RCAN1: variants seen among roughly 807,000 people sequenced by gnomAD.
RCAN1 encodes the protein regulator of calcineurin 1, also known as calcipressin-1.
Under a neutral mutation model 22.9 loss-of-function variants are expected in RCAN1, and 11 were observed. That is an observed-to-expected ratio of 0.48 (90% CI 0.30 to 0.79). RCAN1 has a LOEUF of 0.79. Ranked by LOEUF, RCAN1 falls within the 30% of genes least tolerant of loss-of-function variation. The probability of loss-of-function intolerance (pLI) is 0.06; values close to 1 mark genes in which losing one functional copy is unlikely to be tolerated. For missense variants in RCAN1, 291 were observed against 337.8 expected (o/e 0.86, Z 1.09); for synonymous variants, 136 against 142.3 (o/e 0.96, Z 0.32).
At chr21:34,545,113 A>C (rs1986082879) in intron 1 of RCAN1, among the ~76,000 whole-genome samples, 1 of 152,170 alleles carries the variant, frequency 6.6e-6, no homozygotes, top group South Asian at 2.1e-4. Context: ...TCTTAGTGGG[A>C]TATGTTCCCC....
At chr21:34,549,808 C>T (rs1238260308) in intron 1 of RCAN1, among the ~76,000 whole-genome samples, 1 of 152,114 alleles carries the variant, frequency 6.6e-6, no homozygotes, top group Non-Finnish European at 1.5e-5. Flanking sequence ...CATCCATCAT[C>T]CATCCATCCA....
At chr21:34,579,533 G>T (rs1987531814) in intron 1 of RCAN1, among the ~76,000 whole-genome samples, 5 of 152,258 alleles carry the variant, frequency 3.3e-5, no homozygotes, top group Admixed American at 6.5e-5. Context: ...GGACCCACTG[G>T]ACTAAATGAT....
At chr21:34,568,191 G>A in intron 1 of RCAN1, among the ~76,000 whole-genome samples, 1 of 152,154 alleles carries the variant, frequency 6.6e-6, no homozygotes, top group East Asian at 1.9e-4. Context: ...GCAGCTGCCT[G>A]GGGCCACTTC....
intron 1 of RCAN1, among the ~76,000 whole-genome samples, chr21:34,590,041 A>T (rs914819517): frequency 6.6e-5 from 10 of 152,164 alleles, no homozygotes; most frequent in Non-Finnish European, 1.5e-4. Flanking sequence ...CCCTTTGATC[A>T]TTACCTTCTG....
chr21:34,550,671 T>A (rs1986331570), intron 1 of RCAN1, among the ~76,000 whole-genome samples: 1 of 152,286 alleles, frequency 6.6e-6, no homozygotes, highest in South Asian at 2.1e-4. Flanking sequence ...GTCTGTAGTA[T>A]TCATCATGGC....
intron 1 of RCAN1, among the ~76,000 whole-genome samples, chr21:34,580,407 A>G (rs1343348722): frequency 2.0e-5 from 3 of 152,214 alleles, no homozygotes; most frequent in Non-Finnish European, 4.4e-5. Context: ...ACGGGTGGCC[A>G]TGGAAAGTAT....
Position 34,517,856 on chromosome 21 carries a change from C to T in RCAN1, c.*228G>A. 1.7e-6 allele frequency: 1 copy of T among 582,332 alleles called. No homozygotes were observed. Among genetic ancestry groups the T allele is most frequent in the East Asian group, 2.9e-5 (1 of 34,852 alleles). The allele number at this position is 582,332 out of a possible 1,614,324, so 36.1% of individuals were successfully genotyped here. A position where few individuals can be genotyped will look rare whatever the true frequency, so the allele number is the denominator to read the frequency against. ...CCCAAATGTCCTTGTGCGATCACCA[C>T]AAACTCAGTGATTGGCCCAAGTCAT... On this transcript the variant is annotated 3_prime_UTR_variant, in exon 4 of 4. Coordinates refer to ENST00000313806, the MANE Select transcript of RCAN1 (RefSeq NM_004414.7).
intron 1 of RCAN1, among the ~76,000 whole-genome samples, chr21:34,529,584 C>T (rs1368953151): frequency 1.3e-5 from 2 of 152,212 alleles, no homozygotes; most frequent in African/African-American, 4.8e-5. Flanking sequence ...AATAGTGATT[C>T]TCCCCACTGA....
chr21:34,558,612 T>C (rs1179502438), intron 1 of RCAN1, among the ~76,000 whole-genome samples: 1 of 145,836 alleles, frequency 6.9e-6, no homozygotes, highest in Non-Finnish European at 1.5e-5. Flanking sequence ...CTACAGAAAA[T>C]CTGGCCATCT....
intron 1 of RCAN1, among the ~76,000 whole-genome samples, chr21:34,542,106 C>T (rs996781359): frequency 1.3e-5 from 2 of 151,892 alleles, no homozygotes; most frequent in East Asian, 1.9e-4. Context: ...GGGGAGGATG[C>T]CATGTGTGGT....
intron 1 of RCAN1, among the ~76,000 whole-genome samples, chr21:34,557,055 A>G (rs1185142685): frequency 1.3e-5 from 2 of 152,116 alleles, no homozygotes; most frequent in African/African-American, 4.8e-5. Context: ...TCTACTAAAA[A>G]TACAAAAATT....
intron 1 of RCAN1, among the ~76,000 whole-genome samples, chr21:34,550,257 C>CA (rs752760593): frequency 1.3e-5 from 2 of 152,212 alleles, no homozygotes; most frequent in South Asian, 2.1e-4. Context: ...ATGGAAGAAC[C>CA]ATGAAGTAAT....
In RCAN1 at chr21:34,530,624, T is replaced by TGTTTGTTTGTTTTG. The variant is rs1190124200; in HGVS notation, c.253-6915_253-6914insCAAAACAAACAAAC. ...TCTAAGATAGTGAAATAGTTTTTTT[T>TGTTTGTTTGTTTTG]TTTTTTTTTTTTTTTTTTTGAGACA... On this transcript the variant is annotated intron_variant, in intron 1 of 3. Transcript: ENST00000313806. Among the ~76,000 whole-genome samples the TGTTTGTTTGTTTTG allele has an allele frequency of 5.3e-4, 55 of 102,834 alleles. 1 individual carries two copies. Among genetic ancestry groups the TGTTTGTTTGTTTTG allele is most frequent in the African/African-American group, 2.0e-3 (41 of 20,984 alleles). The allele number at this position is 102,834 out of a possible 152,430, so 67.5% of individuals were successfully genotyped here.
chr21:34,596,859 T>C (rs1717543237), intron 1 of RCAN1, among the ~76,000 whole-genome samples: 1 of 152,124 alleles, frequency 6.6e-6, no homozygotes, highest in Non-Finnish European at 1.5e-5. Flanking sequence ...GGACCCACAC[T>C]AGGGAAGGTG....
At chr21:34,588,674 C>A (rs1987876165) in intron 1 of RCAN1, among the ~76,000 whole-genome samples, 1 of 152,222 alleles carries the variant, frequency 6.6e-6, no homozygotes, top group Non-Finnish European at 1.5e-5. Context: ...AGCAATTCCA[C>A]CTCTGTGTAT....
chr21:34,559,581 G>T (rs889391715), intron 1 of RCAN1, among the ~76,000 whole-genome samples: 3 of 151,914 alleles, frequency 2.0e-5, no homozygotes, highest in African/African-American at 7.3e-5. Context: ...GGGTCCCACA[G>T]AGGGTCCTGA....
intron 3 of RCAN1, chr21:34,521,106 A>G (rs1601124576): frequency 1.6e-6 from 2 of 1,267,488 alleles, no homozygotes; most frequent in East Asian, 3.1e-5. Flanking sequence ...GATTAAAAAT[A>G]ACATTTCTTA....
intron 1 of RCAN1, among the ~76,000 whole-genome samples, chr21:34,536,168 A>C (rs1199692420): frequency 6.6e-6 from 1 of 152,228 alleles, no homozygotes; most frequent in Non-Finnish European, 1.5e-5. Flanking sequence ...AAAAATAGCC[A>C]CAGGCAAATC....
intron 1 of RCAN1, among the ~76,000 whole-genome samples, chr21:34,563,794 T>TATATATATATATAG (rs765741781): frequency 2.1e-5 from 1 of 48,720 alleles, no homozygotes; most frequent in African/African-American, 8.4e-5. Context: ...TATATATATA[T>TATATATATATATAG]AGAGAGAGAG....
Sources: allele counts gnomAD v4.1 joint callset (sites outside exome capture counted in the v4.1 genomes callset), GRCh38; gene constraint gnomAD v4.1.1; transcripts MANE v1.5; gene names NCBI Gene and HGNC (gene_info 2026-07-23, HGNC 2026-07-21).